Variants in SRGAP3 observed in about 807,000 individuals in gnomAD.
The protein encoded by SRGAP3 is SLIT-ROBO Rho GTPase-activating protein 3.
SRGAP3 carries 39 observed loss-of-function variants against 121.1 expected under a neutral mutation model. That is an observed-to-expected ratio of 0.32 (90% CI 0.25 to 0.42). SRGAP3 has a LOEUF of 0.42. SRGAP3 is among the 10% of genes least tolerant of loss of function. SRGAP3 has a pLI of 1.00. For synonymous variants in SRGAP3, 601 were observed against 570.0 expected, an observed-to-expected ratio of 1.05 and a Z score of -0.77; for missense variants, 1,213 against 1,470.6, an observed-to-expected ratio of 0.82 and a Z score of 2.86.
chr3:9,228,172 T>C (rs1189387267), intron 1 of SRGAP3, among the ~76,000 whole-genome samples: 1 of 151,852 alleles, frequency 6.6e-6, no homozygotes, highest in East Asian at 1.9e-4. Context: ...AAGGGTGTCG[T>C]GGGGACCCAA....
intron 3 of SRGAP3, among the ~76,000 whole-genome samples, chr3:9,259,196 A>AGCACATTTCCCT (rs1954200254): frequency 7.7e-6 from 1 of 130,036 alleles, no homozygotes; most frequent in South Asian, 2.7e-4. Context: ...CGACTACTCC[A>AGCACATTTCCCT]GCACATTTCC....
At chr3:9,340,262 G>A (rs1955762602) in intron 1 of SRGAP3, among the ~76,000 whole-genome samples, 1 of 152,072 alleles carries the variant, frequency 6.6e-6, no homozygotes, top group Non-Finnish European at 1.5e-5. Flanking sequence ...TTAATATCTG[G>A]CACTATTCCT....
intron 9 of SRGAP3, among the ~76,000 whole-genome samples, chr3:9,049,093 A>AG (rs905831754): frequency 5.9e-5 from 9 of 152,224 alleles, no homozygotes; most frequent in African/African-American, 2.2e-4. Context: ...CACACTAAAA[A>AG]GGGGGCAGAG....
intron 1 of SRGAP3, among the ~76,000 whole-genome samples, chr3:9,203,963 T>A (rs1455365143): frequency 6.6e-6 from 1 of 152,134 alleles, no homozygotes; most frequent in Non-Finnish European, 1.5e-5. Flanking sequence ...TAAGGCAGCA[T>A]CTCTGGCCCA....
At chr3:9,335,212 T>C (rs761512078) in intron 1 of SRGAP3, among the ~76,000 whole-genome samples, 19 of 152,220 alleles carry the variant, frequency 1.2e-4, no homozygotes, top group Non-Finnish European at 2.5e-4. Context: ...CTGGGCTCAT[T>C]TGGGATAGCA....
intron 1 of SRGAP3, among the ~76,000 whole-genome samples, chr3:9,211,533 G>T (rs577959572): frequency 6.6e-6 from 1 of 152,264 alleles, no homozygotes; most frequent in South Asian, 2.1e-4. Flanking sequence ...ATTTCTTATG[G>T]ATTCCTCAAA....
chr3:9,096,849 C>T (rs1169791415), intron 3 of SRGAP3, among the ~76,000 whole-genome samples: 7 of 143,798 alleles, frequency 4.9e-5, no homozygotes, highest in African/African-American at 1.0e-4. Flanking sequence ...TTCTCAAAGT[C>T]CAAATAATCA....
At chr3:9,196,178 A>G (rs1951909969) in intron 1 of SRGAP3, among the ~76,000 whole-genome samples, 1 of 152,192 alleles carries the variant, frequency 6.6e-6, no homozygotes, top group Non-Finnish European at 1.5e-5. Flanking sequence ...ACCAACAACC[A>G]TGCATTTGAC....
chr3:9,060,177 T>C (rs761631351), intron 6 of SRGAP3, 54 bp downstream of exon 6: 5 of 1,612,958 alleles, frequency 3.1e-6, no homozygotes, highest in Non-Finnish European at 3.4e-6. Context: ...GCCAGTGACA[T>C]GTGCCAGCCC....
In SRGAP3 at chr3:8,985,768, G is replaced by A. The variant is rs756128995; in HGVS notation, c.3051C>T (p.Val1017=). 15 of 1,599,920 alleles carry A rather than the reference G, an allele frequency of 9.4e-6. No homozygotes were observed. Among genetic ancestry groups the A allele is most frequent in the Non-Finnish European group, 1.2e-5 (14 of 1,179,844 alleles). ...GCATGGCGGCATCGGGGTCGCGGAT[G>A]ACGATGGTGTGAAGGGGACTGGCGG... The part of the protein sequence containing the change: ...SEPASPLHTI[V]IRDPDAAMRR... The change falls in exon 22 of 22, where the codon GTC becomes GTT. Residue 1017 remains valine, a synonymous_variant. Transcript: ENST00000383836. This position sits in a 1 kb window ranked among gnomAD's most constrained non-coding sequence, Gnocchi z 5.1.
chr3:9,262,652 A>G (rs945102595), intron 3 of SRGAP3, among the ~76,000 whole-genome samples: 1 of 152,032 alleles, frequency 6.6e-6, no homozygotes, highest in African/African-American at 2.4e-5. Context: ...TAAAGGGATC[A>G]ATGCACAAGA....
chr3:9,286,498 T>C (rs1032550710), intron 3 of SRGAP3, among the ~76,000 whole-genome samples: 4 of 151,582 alleles, frequency 2.6e-5, no homozygotes, highest in African/African-American at 4.8e-5. Context: ...CCATCTCTAT[T>C]TTTTTTTAAA....
chr3:9,279,124 G>T (rs1189748817), intron 3 of SRGAP3, among the ~76,000 whole-genome samples: 1 of 152,038 alleles, frequency 6.6e-6, no homozygotes, highest in Non-Finnish European at 1.5e-5. Flanking sequence ...AAAAGGGGGG[G>T]ATATATCCAA....
At chr3:9,061,203 G>A (rs1211314333) in intron 5 of SRGAP3, among the ~76,000 whole-genome samples, 2 of 152,180 alleles carry the variant, frequency 1.3e-5, no homozygotes, top group African/African-American at 4.8e-5. Context: ...CTGCACTCCA[G>A]GTCTAGGTGA....
chr3:9,312,107 A>C (rs954069939), intron 3 of SRGAP3, among the ~76,000 whole-genome samples: 4 of 152,186 alleles, frequency 2.6e-5, no homozygotes, highest in African/African-American at 9.7e-5. Flanking sequence ...AAAAACTGAC[A>C]ATTAGCTGAG....
At chr3:9,162,974 G>C (rs1236228606) in intron 1 of SRGAP3, among the ~76,000 whole-genome samples, 1 of 152,204 alleles carries the variant, frequency 6.6e-6, no homozygotes, top group Non-Finnish European at 1.5e-5. Context: ...CTGTGATTTT[G>C]AGAAAGTTAT....
intron 10 of SRGAP3, 43 bp downstream of exon 10, chr3:9,047,348 G>A: frequency 6.3e-7 from 1 of 1,598,850 alleles, no homozygotes; most frequent in East Asian, 2.2e-5. Flanking sequence ...AGAGCCAGTG[G>A]GGAACGCAGC....
intron 1 of SRGAP3, chr3:9,348,596 T>G: frequency 1.1e-6 from 1 of 921,542 alleles, no homozygotes; most frequent in Admixed American, 1.7e-5. Flanking sequence ...CGGCTGAGTT[T>G]GACATCTGCT....
At chr3:9,167,862 C>T (rs539131341) in intron 1 of SRGAP3, among the ~76,000 whole-genome samples, 2 of 152,318 alleles carry the variant, frequency 1.3e-5, no homozygotes, top group Non-Finnish European at 2.9e-5. Context: ...CTACTCCTCC[C>T]TCAAGACTGC....
Sources: allele counts gnomAD v4.1 joint callset (sites outside exome capture counted in the v4.1 genomes callset), GRCh38; gene constraint gnomAD v4.1.1; non-coding constraint Gnocchi (gnomAD v3.1); transcripts MANE v1.5; gene names NCBI Gene and HGNC (gene_info 2026-07-23, HGNC 2026-07-21).